The following SORT1 variants were observed in gnomAD, a reference collection of about 807,000 sequenced individuals.
SORT1 encodes sortilin 1, also known as sortilin.
A neutral mutation model predicts 101.7 loss-of-function variants in SORT1; 39 were observed. The observed-to-expected ratio is 0.38, with a 90% CI of 0.30 to 0.50. SORT1 has a LOEUF of 0.50. SORT1 is among the 20% of genes least tolerant of loss of function. The probability of loss-of-function intolerance (pLI) is 0.90; values close to 1 mark genes in which losing one functional copy is unlikely to be tolerated. For synonymous variants in SORT1, 396 were observed against 393.7 expected, an observed-to-expected ratio of 1.01 and a Z score of -0.07; for missense variants, 878 against 1,040.4, an observed-to-expected ratio of 0.84 and a Z score of 2.15.
rs1658637533 is a variant in SORT1 at position 109,310,185 on chromosome 1, A to C, written c.*3858T>G. The C allele has an allele frequency of 6.5e-6, 1 of 152,690 alleles. No homozygotes were observed. Among genetic ancestry groups the C allele is most frequent in the Non-Finnish European group, 1.5e-5 (1 of 68,044 alleles). The allele number at this position is 152,690 out of a possible 1,614,324, so 9.5% of individuals were successfully genotyped here. On this transcript the variant is annotated 3_prime_UTR_variant, in exon 20 of 20. Transcript: ENST00000256637. ...TGTATATATGTACACACACATATAT[A>C]TAAAGGTACAGATTAGTTTATGTTA...
intron 3 of SORT1, among the ~76,000 whole-genome samples, chr1:109,359,658 C>A (rs185743375): frequency 2.0e-5 from 3 of 152,118 alleles, no homozygotes; most frequent in South Asian, 4.1e-4. Flanking sequence ...TGCCACCACA[C>A]CCAGCTAATT....
chr1:109,342,574 C>T (rs1038294072), intron 8 of SORT1, among the ~76,000 whole-genome samples: 1 of 152,238 alleles, frequency 6.6e-6, no homozygotes, highest in East Asian at 1.9e-4. Flanking sequence ...TCATACAGTG[C>T]TTGCATAATT....
rs745557986 is a variant in SORT1, at chr1:109,314,316, G to GCATCCACAC, written c.2417_2425dup (p.Gly806_Asp808dup). 2 of 1,613,620 alleles carry GCATCCACAC rather than the reference G, an allele frequency of 1.2e-6. No individual in the cohort carries two copies. Among genetic ancestry groups the GCATCCACAC allele is most frequent in the African/African-American group, 1.3e-5 (1 of 74,888 alleles). ...ATTAGTGTGGGAGGCTGTGTCCAAA[G>GCATCCACAC]CATCCACACCATCCACACCATTGGC... On this transcript the variant is annotated inframe_insertion, in exon 19 of 20. Coordinates refer to ENST00000256637, the MANE Select transcript of SORT1 (RefSeq NM_002959.7).
At chr1:109,355,641 A>ACCCCCCCCCCCCCCCCCC (rs529686433) in intron 3 of SORT1, among the ~76,000 whole-genome samples, 172 bp from the exon 4 acceptor site, 12 of 84,144 alleles carry the variant, frequency 1.4e-4, no homozygotes, top group Non-Finnish European at 1.6e-4. Flanking sequence ...AGAACATTCC[A>ACCCCCCCCCCCCCCCCCC]CCCGCCCCCC....
At chr1:109,397,539 G>T in intron 1 of SORT1, 48 bp downstream of exon 1, 2 of 1,099,256 alleles carry the variant, frequency 1.8e-6, no homozygotes, top group Non-Finnish European at 1.1e-6. Context: ...AGGGGCACGC[G>T]GGCGGCACCT....
chr1:109,310,682 G>A lies in SORT1; in HGVS notation c.*3361C>T, dbSNP rs1308365652. 1 of 152,712 alleles carries A rather than the reference G, an allele frequency of 6.5e-6. No individual in the cohort carries two copies. Among genetic ancestry groups the A allele is most frequent in the East Asian group, 1.9e-4 (1 of 5,198 alleles). 9.5% of individuals were successfully genotyped at this position (152,712 alleles called of 1,614,324 possible). A position where few individuals can be genotyped will look rare whatever the true frequency, so the allele number is the denominator to read the frequency against. ...ATGCACTCTAGGTCATTGTGGACAG[G>A]CACGGAGCTCTTGAGAGCACTGCTC... On this transcript the variant is annotated 3_prime_UTR_variant, in exon 20 of 20. Transcript: ENST00000256637.
chr1:109,337,586 A>G (rs1648918322), intron 10 of SORT1, among the ~76,000 whole-genome samples: 1 of 152,090 alleles, frequency 6.6e-6, no homozygotes, highest in African/African-American at 2.4e-5. Flanking sequence ...AAGCAAATGA[A>G]GGAAAATTCA....
In SORT1 at chr1:109,375,955, A is replaced by T. The variant is rs1375654248; in HGVS notation, c.307-6366T>A. Among the ~76,000 whole-genome samples, 6 of 152,224 alleles carry T rather than the reference A, an allele frequency of 3.9e-5. No individual in the cohort carries two copies. In the South Asian group the frequency reaches 1.2e-3, roughly 32 times the overall value. On this transcript the variant is annotated intron_variant, in intron 1 of 19. Transcript: ENST00000256637. ...AAACATCACACACACACACACAAAA[A>T]CAGATACTGGTGAGGCTGTGGAGAA... is the stretch of plus-strand genomic sequence containing the variant.
intron 10 of SORT1, 133 bp from the exon 11 acceptor site, chr1:109,336,479 AC>A (rs769655609): frequency 7.8e-6 from 5 of 642,612 alleles, no homozygotes; most frequent in Non-Finnish European, 1.4e-5. Flanking sequence ...ACCTCACAAA[AC>A]GGCTCATTGT....
chr1:109,343,466 T>C (rs929406532), intron 8 of SORT1, among the ~76,000 whole-genome samples: 1 of 152,184 alleles, frequency 6.6e-6, no homozygotes, highest in African/African-American at 2.4e-5. Context: ...AACCTTTCAG[T>C]TGTGGGTGCT....
At chr1:109,318,883 G>C (rs570887454) in intron 15 of SORT1, among the ~76,000 whole-genome samples, 17 of 152,302 alleles carry the variant, frequency 1.1e-4, no homozygotes, top group African/African-American at 4.1e-4. Context: ...GGGCTCAAGT[G>C]ATCTGTCCAC....
At chr1:109,339,662 G>C (rs6690118) in intron 10 of SORT1, among the ~76,000 whole-genome samples, 2 of 152,172 alleles carry the variant, frequency 1.3e-5, no homozygotes, top group African/African-American at 4.8e-5. Flanking sequence ...CAACCATGTG[G>C]AAAACCCATT....
chr1:109,380,813 C>CAAA (rs60568166), intron 1 of SORT1, among the ~76,000 whole-genome samples: 2,277 of 49,186 alleles, frequency 0.046, 473 homozygotes, highest in Middle Eastern at 0.16. Context: ...CCTGTCGCCA[C>CAAA]AAAAAAAAAA....
rs1376551794 is a variant in SORT1 at position 109,397,903 on chromosome 1, T to A, written c.-11A>T. ...CCAGGGCCGCTCCATCGCCGCCGAA[T>A]GCCGCCGACGCCGACACCTGCCGCC... On this transcript the variant is annotated 5_prime_UTR_variant, in exon 1 of 20. Transcript: ENST00000256637. 8.7e-7 allele frequency: 1 copy of A among 1,150,012 alleles called. No homozygotes were observed. The highest frequency in any genetic ancestry group is 1.1e-6 in the Non-Finnish European group (1 of 937,734). 71.2% of individuals were successfully genotyped at this position (1,150,012 alleles called of 1,614,324 possible).
At chr1:109,327,337 T>G (rs886689102) in intron 12 of SORT1, among the ~76,000 whole-genome samples, 162 bp downstream of exon 12, 1 of 152,234 alleles carries the variant, frequency 6.6e-6, no homozygotes, top group South Asian at 2.1e-4. Flanking sequence ...CTGATAAAAG[T>G]TGATGAAAAA....
chr1:109,363,226 C>T (rs1650849441), intron 3 of SORT1, among the ~76,000 whole-genome samples: 1 of 152,128 alleles, frequency 6.6e-6, no homozygotes, highest in Non-Finnish European at 1.5e-5. Context: ...AAAAGTTGGA[C>T]TCAAGACATC....
intron 10 of SORT1, among the ~76,000 whole-genome samples, chr1:109,338,365 T>C (rs1196481095): frequency 6.6e-6 from 1 of 152,160 alleles, no homozygotes. Context: ...CCGGGAGCCA[T>C]ATCTCCAGGA....
chr1:109,390,791 G>A (rs1652863014), intron 1 of SORT1, among the ~76,000 whole-genome samples: 1 of 142,382 alleles, frequency 7.0e-6, no homozygotes, highest in Non-Finnish European at 1.5e-5. Context: ...GTGTGTGTGT[G>A]TGTGTGTGCG....
rs755697357 is a variant in SORT1, at chr1:109,336,346, T to C, written c.1265A>G (p.Asp422Gly). Reference sequence around the variant, plus strand: ...AGTGATCATGGTCTGGATAGAATTATCTGAATGGGAAGAGAACAACATTAA... The same window carrying C: ...AGTGATCATGGTCTGGATAGAATTACCTGAATGGGAAGAGAACAACATTAA... ...GVYITSVLSEDNSIQTMITFD... is the reference protein window; with the variant it reads ...GVYITSVLSEGNSIQTMITFD... The change falls in exon 11 of 20, where the codon GAT becomes GGT. Residue 422 changes from aspartate (D) to glycine (G), a missense_variant and splice_region_variant. Coordinates refer to ENST00000256637, the MANE Select transcript of SORT1 (RefSeq NM_002959.7). 1.6e-5 allele frequency: 26 copies of C among 1,584,652 alleles called. No homozygotes were observed. Among genetic ancestry groups the C allele is most frequent in the South Asian group, 3.3e-5 (3 of 90,502 alleles).
Sources: gnomAD v4.1 joint callset for allele counts (sites outside exome capture counted in the v4.1 genomes callset) on GRCh38, gnomAD v4.1.1 for gene constraint, MANE v1.5 for transcripts, NCBI Gene and HGNC (gene_info 2026-07-23, HGNC 2026-07-21) for gene names.